The following C8orf82 variants were observed in gnomAD, a reference collection of about 807,000 sequenced individuals.
C8orf82 encodes the protein UPF0598 protein C8orf82.
Under a neutral mutation model 15.0 loss-of-function variants are expected in C8orf82, and 24 were observed. The ratio of observed to expected loss-of-function variants is 1.60; its 90% confidence interval spans 1.16 to 2.24. The LOEUF is 2.24. Among genes scored for constraint, C8orf82 ranks in the 30% most tolerant of loss-of-function variants. The pLI is 0.00. For synonymous variants in C8orf82, 205 were observed against 152.2 expected, an observed-to-expected ratio of 1.35 and a Z score of -2.55; for missense variants, 388 against 317.4, an observed-to-expected ratio of 1.22 and a Z score of -1.69.
Position 144,527,149 on chromosome 8 carries a change from G to T in C8orf82, c.*193C>A. On this transcript the variant is annotated 3_prime_UTR_variant, in exon 3 of 3. Transcript: ENST00000524821. The stretch of plus-strand genomic sequence containing the variant: ...GGAGTCGGGTGCGCGGGGGGCGCGC[G>T]CCGTGGGGAGCGGGGTGTCCGGGAG... The T allele has an allele frequency of 3.9e-6, 1 of 255,752 alleles. No individual in the cohort carries two copies. Among genetic ancestry groups the T allele is most frequent in the Non-Finnish European group, 6.8e-6 (1 of 146,836 alleles). 15.8% of individuals were successfully genotyped at this position (255,752 alleles called of 1,614,324 possible).
In C8orf82 at chr8:144,528,760, C is replaced by T. The variant is rs1354497628; in HGVS notation, c.156+1G>A. 5 of 1,400,936 alleles carry T rather than the reference C, an allele frequency of 3.6e-6. No homozygotes were observed. Among genetic ancestry groups the T allele is most frequent in the Non-Finnish European group, 4.7e-6 (5 of 1,074,534 alleles). The allele number at this position is 1,400,936 out of a possible 1,614,324, so 86.8% of individuals were successfully genotyped here. A position where few individuals can be genotyped will look rare whatever the true frequency, so the allele number is the denominator to read the frequency against. ...CGAGCAACGGCCCTGCCCCCGCCCACCTGGCCCTGGTGGTCCACGTAGTAG... is the reference window on the plus strand; with the variant it reads ...CGAGCAACGGCCCTGCCCCCGCCCATCTGGCCCTGGTGGTCCACGTAGTAG... On this transcript the variant is annotated splice_donor_variant, in intron 1 of 2. Coordinates refer to ENST00000524821, the MANE Select transcript of C8orf82 (RefSeq NM_001001795.2). LOFTEE classifies it high-confidence loss of function.
chr8:144,528,373 C>T, intron 1 of C8orf82: 46 of 1,501,014 alleles, frequency 3.1e-5, no homozygotes, highest in Non-Finnish European at 3.9e-5. Context: ...CTGCTGCCTC[C>T]CGGACATGCA....
rs1468401856 is a variant in C8orf82 at position 144,526,776 on chromosome 8, C to G, written c.*566G>C. On this transcript the variant is annotated 3_prime_UTR_variant, in exon 3 of 3. Transcript: ENST00000524821. ...ACCTGGTGCCTGTATCCCCCACGGC[C>G]TCCTCTGCTACCCACGAGAGCCGGT... 6 of 152,316 alleles carry G rather than the reference C, an allele frequency of 3.9e-5. No homozygotes were observed. Among genetic ancestry groups the G allele is most frequent in the Non-Finnish European group, 7.3e-5 (5 of 68,072 alleles). 9.4% of individuals were successfully genotyped at this position (152,316 alleles called of 1,614,324 possible).
Position 144,529,077 on chromosome 8 carries a change from C to T in C8orf82, c.-161G>A. Reference sequence around the variant, plus strand: ...TCTCCCTCGGGCCTCGGGGGCTCGCCCGCCCTGGCCTTCCGAGAGGCGTGT... The same window carrying T: ...TCTCCCTCGGGCCTCGGGGGCTCGCTCGCCCTGGCCTTCCGAGAGGCGTGT... On this transcript the variant is annotated 5_prime_UTR_variant, in exon 1 of 3. Coordinates refer to ENST00000524821, the MANE Select transcript of C8orf82 (RefSeq NM_001001795.2). 1.5e-6 allele frequency: 1 copy of T among 650,252 alleles called. No homozygotes were observed. The highest frequency in any genetic ancestry group is 2.3e-6 in the Non-Finnish European group (1 of 435,230). The allele number at this position is 650,252 out of a possible 1,614,324, so 40.3% of individuals were successfully genotyped here. A position where few individuals can be genotyped will look rare whatever the true frequency, so the allele number is the denominator to read the frequency against.
At chr8:144,527,921 G>A (rs765250495) in intron 2 of C8orf82, 103 bp downstream of exon 2, 5 of 1,501,910 alleles carry the variant, frequency 3.3e-6, no homozygotes, top group Admixed American at 1.7e-5. Flanking sequence ...AGCGCAGGAC[G>A]CCCACTCCTT....
Position 144,527,219 on chromosome 8 carries a change from G to C in C8orf82, c.*123C>G. 1.7e-6 allele frequency: 1 copy of C among 597,862 alleles called. No homozygotes were observed. The highest frequency in any genetic ancestry group is 2.3e-6 in the Non-Finnish European group (1 of 442,700). The allele number at this position is 597,862 out of a possible 1,614,324, so 37.0% of individuals were successfully genotyped here. ...CAAGGACAGCGCCGGGTGGGGGCGG[G>C]GCCGAGCGCGCAGGCGCACTAGGCT... On this transcript the variant is annotated 3_prime_UTR_variant, in exon 3 of 3. Coordinates refer to ENST00000524821, the MANE Select transcript of C8orf82 (RefSeq NM_001001795.2).
intron 1 of C8orf82, 174 bp downstream of exon 1, chr8:144,528,587 G>A (rs1294646519): frequency 8.3e-6 from 10 of 1,203,030 alleles, no homozygotes; most frequent in African/African-American, 3.3e-5. Context: ...CCAGCTCTGA[G>A]GAGTCGAGGT....
At chr8:144,527,981 G>T in intron 2 of C8orf82, 43 bp downstream of exon 2, 1 of 1,602,020 alleles carries the variant, frequency 6.2e-7, no homozygotes, top group Non-Finnish European at 8.5e-7. Context: ...GGGGCTGCCC[G>T]GAAGGGAGAA....
chr8:144,527,470 C>G lies in C8orf82; in HGVS notation c.523G>C (p.Glu175Gln), dbSNP rs560764443. 10 of 1,248,324 alleles carry G rather than the reference C, an allele frequency of 8.0e-6. No individual in the cohort carries two copies. The highest frequency in any genetic ancestry group is 1.0e-5 in the Non-Finnish European group (10 of 995,146). The allele number at this position is 1,248,324 out of a possible 1,614,324, so 77.3% of individuals were successfully genotyped here. ...VGLVRSALAFELSACFEYGPG... is the reference protein window; with the variant it reads ...VGLVRSALAFQLSACFEYGPG... ...CCGTACTCGAAGCAGGCGCTGAGCT[C>G]GAAGGCCAGGGCGGAGCGCACCAGG... is the stretch of plus-strand genomic sequence containing the variant. Residue 175 changes from glutamate (E) to glutamine (Q), a missense_variant, in exon 3 of 3, where the codon GAG (glutamate) becomes CAG (glutamine). Coordinates refer to ENST00000524821, the MANE Select transcript of C8orf82 (RefSeq NM_001001795.2).
At position 144,527,275 on chromosome 8, in the gene C8orf82, G is replaced by C. The variant is rs1216512141; in HGVS notation, c.*67C>G. The C allele has an allele frequency of 1.1e-5, 12 of 1,070,524 alleles. No individual in the cohort carries two copies. Among genetic ancestry groups the C allele is most frequent in the Non-Finnish European group, 1.3e-5 (11 of 864,682 alleles). 66.3% of individuals were successfully genotyped at this position (1,070,524 alleles called of 1,614,324 possible). On this transcript the variant is annotated 3_prime_UTR_variant, in exon 3 of 3. Transcript: ENST00000524821. Reference sequence around the variant, plus strand: ...GAGCGCGGGTGGCGCGGGCTTTCCGGGGCGTGGAGTCCCGGGGGAGCGGGG... The same window carrying C: ...GAGCGCGGGTGGCGCGGGCTTTCCGCGGCGTGGAGTCCCGGGGGAGCGGGG...
chr8:144,528,888 G>A lies in C8orf82; in HGVS notation c.29C>T (p.Thr10Ile), dbSNP rs75220950. ...TCCCCGCGACCGCGCCAAGGCCAGG[G>A]TCCGGAGCGTCCCGCAAGGCGGCCA... MWPPCGTLR[T>I]LALARSRGAR... The change falls in exon 1 of 3, where the codon ACC becomes ATC. Residue 10 changes from threonine to isoleucine, a missense_variant. Coordinates refer to ENST00000524821, the MANE Select transcript of C8orf82 (RefSeq NM_001001795.2). The A allele has an allele frequency of 0.013, 19,993 of 1,514,604 alleles. 1,546 individuals are homozygous for A. In the African/African-American group the frequency reaches 0.21, roughly 16 times the overall value. The allele number at this position is 1,514,604 out of a possible 1,614,324, so 93.8% of individuals were successfully genotyped here. A position where few individuals can be genotyped will look rare whatever the true frequency, so the allele number is the denominator to read the frequency against.
In C8orf82 at chr8:144,527,678, C is replaced by T; in HGVS notation, c.315G>A (p.Leu105=). 6.4e-7 allele frequency: 1 copy of T among 1,570,208 alleles called. No homozygotes were observed. Among genetic ancestry groups the T allele is most frequent in the Non-Finnish European group, 8.6e-7 (1 of 1,165,862 alleles). ...LSPCGRERNF[L]RCEDRPVVFT... Reference sequence around the variant, plus strand: ...AGACCACCGGCCGGTCCTCGCAGCGCAGGAAGTTGCGCTCTCTGCCGCAGG... The same window carrying T: ...AGACCACCGGCCGGTCCTCGCAGCGTAGGAAGTTGCGCTCTCTGCCGCAGG... The change falls in exon 3 of 3, where the codon CTG becomes CTA. Residue 105 remains leucine (L), a synonymous_variant. Transcript: ENST00000524821.
At position 144,527,397 on chromosome 8, in the gene C8orf82, C is replaced by A; in HGVS notation, c.596G>T (p.Arg199Leu). The change falls in exon 3 of 3, where the codon CGC becomes CTC. Residue 199 changes from arginine to leucine, a missense_variant. Physicochemically the swap from Arg to Leu is moderately radical, Grantham distance 102. Transcript: ENST00000524821. ...LPSHVRWQGRRLALTMDLAPL... is the reference protein window; with the variant it reads ...LPSHVRWQGRLLALTMDLAPL... ...GGCCAGGTCCATGGTGAGGGCGAGG[C>A]GGCGGCCCTGCCAGCGCACGTGCGA... 8.1e-7 allele frequency: 1 copy of A among 1,240,860 alleles called. No individual in the cohort carries two copies. The highest frequency in any genetic ancestry group is 1.0e-6 in the Non-Finnish European group (1 of 987,608). 76.9% of individuals were successfully genotyped at this position (1,240,860 alleles called of 1,614,324 possible). A position where few individuals can be genotyped will look rare whatever the true frequency, so the allele number is the denominator to read the frequency against.
intron 1 of C8orf82, chr8:144,528,434 C>T (rs1208478069): frequency 1.3e-6 from 2 of 1,482,706 alleles, no homozygotes; most frequent in Non-Finnish European, 1.8e-6. Flanking sequence ...CCGGGTGTCT[C>T]CCTGGCAGCG....
chr8:144,525,893 A>T lies in C8orf82; in HGVS notation c.*1449T>A, dbSNP rs935608803. The T allele has an allele frequency of 2.0e-5, 3 of 152,186 alleles. No individual in the cohort carries two copies. The highest frequency in any genetic ancestry group is 7.2e-5 in the African/African-American group (3 of 41,428). 9.4% of individuals were successfully genotyped at this position (152,186 alleles called of 1,614,324 possible). A position where few individuals can be genotyped will look rare whatever the true frequency, so the allele number is the denominator to read the frequency against. On this transcript the variant is annotated 3_prime_UTR_variant, in exon 3 of 3. Transcript: ENST00000524821. ...AGCAGTGTGACCTCTGAGATCAGCA[A>T]GGAGCAGGGAGTTTGCTGGGGGACC...
At position 144,528,563 on chromosome 8, in the gene C8orf82, C is replaced by T. The variant is rs114714881; in HGVS notation, c.156+198G>A. 4,351 of 1,286,628 alleles carry T rather than the reference C, an allele frequency of 3.4e-3. 130 individuals carry two copies. The African/African-American group carries it at 0.061, about 18-fold the overall frequency. The allele number at this position is 1,286,628 out of a possible 1,614,324, so 79.7% of individuals were successfully genotyped here. The stretch of plus-strand genomic sequence containing the variant: ...GGACCGACCCAACTCCCCGTCTTTC[C>T]AGCGCGCTCTCCTCCAGCTCTGAGG... On this transcript the variant is annotated intron_variant, in intron 1 of 2. Transcript: ENST00000524821.
In C8orf82 at chr8:144,527,344, A is replaced by G; in HGVS notation, c.649T>C (p.Ter217ArgextTer151). ...APLLLAARSP[*>R] The stretch of plus-strand genomic sequence containing the variant: ...TCCCGCCTTTCCCTTGGCCCCGCTC[A>G]GGGCGACCGAGCCGCGAGCAGCAGC... Residue 217 changes from the stop codon to arginine, a stop_lost, in exon 3 of 3, where the codon TGA becomes CGA. Transcript: ENST00000524821. The G allele has an allele frequency of 2.5e-6, 3 of 1,189,116 alleles. No individual in the cohort carries two copies. Among genetic ancestry groups the G allele is most frequent in the East Asian group, 8.1e-5 (2 of 24,808 alleles). The allele number at this position is 1,189,116 out of a possible 1,614,324, so 73.7% of individuals were successfully genotyped here.
At chr8:144,528,546 C>A in intron 1 of C8orf82, 2 of 1,336,144 alleles carry the variant, frequency 1.5e-6, no homozygotes, top group Non-Finnish European at 2.0e-6. Context: ...CCGGACCGAC[C>A]CAACTCCCCG....
At position 144,528,955 on chromosome 8, in the gene C8orf82, G is replaced by T. The variant is rs759880835; in HGVS notation, c.-39C>A. 9.5e-4 allele frequency: 1,408 copies of T among 1,481,722 alleles called. 3 individuals are homozygous for T. The highest frequency in any genetic ancestry group is 1.1e-3 in the Non-Finnish European group (1,288 of 1,120,700). 91.8% of individuals were successfully genotyped at this position (1,481,722 alleles called of 1,614,324 possible). Reference sequence around the variant, plus strand: ...CGGAAGCGACCAGCAGGTCACGCCGGGGGCGGTGCTGCGCGAACTCGCGCC... The same window carrying T: ...CGGAAGCGACCAGCAGGTCACGCCGTGGGCGGTGCTGCGCGAACTCGCGCC... On this transcript the variant is annotated 5_prime_UTR_variant, in exon 1 of 3. Coordinates refer to ENST00000524821, the MANE Select transcript of C8orf82 (RefSeq NM_001001795.2).
Sources: gnomAD v4.1 joint callset for allele counts on GRCh38, gnomAD v4.1.1 for gene constraint, MANE v1.5 for transcripts, NCBI Gene and HGNC (gene_info 2026-07-23, HGNC 2026-07-21) for gene names.